Variants in CEP57 observed in about 807,000 individuals in gnomAD.
CEP57 encodes centrosomal protein of 57 kDa.
CEP57 carries 40 observed loss-of-function variants against 68.0 expected under a neutral mutation model. The observed-to-expected ratio is 0.59, with a 90% confidence interval of 0.46 to 0.77. CEP57 has a LOEUF of 0.77. CEP57 is among the 30% of genes least tolerant of loss of function. CEP57 has a pLI of 0.00. For synonymous variants in CEP57, 219 were observed against 198.7 expected (o/e 1.10, Z -0.86); for missense variants, 606 against 580.7 (o/e 1.04, Z -0.45).
At chr11:95,806,967 C>T (rs1861830877) in intron 2 of CEP57, among the ~76,000 whole-genome samples, 1 of 152,186 alleles carries the variant, frequency 6.6e-6, no homozygotes, top group African/African-American at 2.4e-5. Context: ...GAGATACCTC[C>T]CAGTAGGGGC....
At chr11:95,829,519 G>A (rs1331893876) in intron 10 of CEP57, among the ~76,000 whole-genome samples, 188 bp downstream of exon 10, 1 of 152,106 alleles carries the variant, frequency 6.6e-6, no homozygotes, top group Non-Finnish European at 1.5e-5. Flanking sequence ...TAGTCACTTA[G>A]CATATTCATC....
At chr11:95,808,543 A>G (rs1163511943) in intron 2 of CEP57, among the ~76,000 whole-genome samples, 1 of 152,208 alleles carries the variant, frequency 6.6e-6, no homozygotes, top group Non-Finnish European at 1.5e-5. Flanking sequence ...AGCAAATGGA[A>G]AACAAAAAAA....
upstream of CEP57, chr11:95,790,411 C>A (rs779361418): frequency 1.9e-6 from 1 of 527,640 alleles, no homozygotes; most frequent in African/African-American, 1.9e-5. Context: ...TGTGACGTCA[C>A]CAGGGAAGAG....
intron 1 of CEP57, 140 bp from the exon 2 acceptor site, chr11:95,799,085 TTTAATGA>T (rs1317706138): frequency 1.3e-6 from 1 of 772,512 alleles, no homozygotes; most frequent in African/African-American, 1.7e-5. Flanking sequence ...GTTGTATTTC[TTTAATGA>T]TTGAATTGTA....
chr11:95,802,508 C>T (rs1349125323), intron 2 of CEP57, among the ~76,000 whole-genome samples: 2 of 152,144 alleles, frequency 1.3e-5, no homozygotes, highest in Non-Finnish European at 2.9e-5. Context: ...CCACCTCAGC[C>T]TCCCAAAGTG....
In CEP57 at chr11:95,825,375, A is replaced by T. The variant is rs530163607; in HGVS notation, c.886-2411A>T. Among the ~76,000 whole-genome samples, 4 of 152,304 alleles carry T rather than the reference A, an allele frequency of 2.6e-5. No individual in the cohort carries two copies. In the South Asian group the frequency reaches 8.3e-4, roughly 32 times the overall value. ...AAAAAGATGGTAGATATGGCAAAAA[A>T]GGTTGGAGGTGAAGGATTTCAAGAT... is the stretch of plus-strand genomic sequence containing the variant. On this transcript the variant is annotated intron_variant, in intron 8 of 10. Transcript: ENST00000325542.
chr11:95,794,250 A>G (rs992087647), intron 1 of CEP57: 2 of 455,640 alleles, frequency 4.4e-6, no homozygotes, highest in Non-Finnish European at 8.8e-6. Flanking sequence ...ATTACAGCTC[A>G]GTAGTGGGTC....
chr11:95,796,795 T>C (rs1183297225), intron 1 of CEP57, among the ~76,000 whole-genome samples: 1 of 152,194 alleles, frequency 6.6e-6, no homozygotes, highest in African/African-American at 2.4e-5. Context: ...TCTGCTCAGC[T>C]GACTACAAAT....
upstream of CEP57, chr11:95,790,164 G>A: frequency 5.8e-6 from 1 of 171,538 alleles, no homozygotes; most frequent in South Asian, 1.2e-4. Context: ...ACCTGGAGAG[G>A]CGTCCCCGAG....
intron 1 of CEP57, among the ~76,000 whole-genome samples, chr11:95,798,597 A>G (rs992166704): frequency 1.3e-5 from 2 of 152,220 alleles, no homozygotes; most frequent in African/African-American, 2.4e-5. Flanking sequence ...TACAACAAAT[A>G]AAACTCCACA....
intron 8 of CEP57, chr11:95,826,642 G>C (rs1389460786): frequency 6.6e-6 from 1 of 152,166 alleles, no homozygotes; most frequent in Non-Finnish European, 1.5e-5. Flanking sequence ...CTACATGGGT[G>C]GTCGGTGCCC....
At chr11:95,808,710 C>T (rs1861918500) in intron 2 of CEP57, among the ~76,000 whole-genome samples, 1 of 152,126 alleles carries the variant, frequency 6.6e-6, no homozygotes, top group South Asian at 2.1e-4. Flanking sequence ...AAAGCAAGTC[C>T]ATAGAGACCT....
intron 4 of CEP57, chr11:95,815,052 CTG>C (rs759449070): frequency 3.3e-5 from 5 of 152,188 alleles, no homozygotes; most frequent in Non-Finnish European, 4.4e-5. Context: ...GAGTAAGAAT[CTG>C]TGTATGTTTA....
intron 8 of CEP57, 136 bp downstream of exon 8, chr11:95,822,712 A>C: frequency 4.6e-6 from 2 of 438,758 alleles, no homozygotes; most frequent in East Asian, 9.1e-5. Context: ...AGTGATGTGA[A>C]AATGAGATGT....
At chr11:95,818,182 C>T (rs541968421) in intron 5 of CEP57, 15 of 346,162 alleles carry the variant, frequency 4.3e-5, no homozygotes, top group Admixed American at 1.3e-4. Context: ...GAGGCCAAGG[C>T]GGGTGGATCA....
At chr11:95,794,892 A>G (rs929562838) in intron 1 of CEP57, among the ~76,000 whole-genome samples, 1 of 152,142 alleles carries the variant, frequency 6.6e-6, no homozygotes, top group Non-Finnish European at 1.5e-5. Flanking sequence ...GTTTTACTTA[A>G]AATACACAAT....
In CEP57 at chr11:95,828,038, GTT is replaced by G; in HGVS notation, c.1127+21_1127+22del. The stretch of plus-strand genomic sequence containing the variant: ...TGGGCAAATGAGCTTGTGAGTTTTT[GTT>G]TTTTTTTTTAAATTCAGTTTAGCTC... On this transcript the variant is annotated intron_variant, in intron 9 of 10. Transcript: ENST00000325542. 3.1e-6 allele frequency: 4 copies of G among 1,272,442 alleles called. No individual in the cohort carries two copies. The highest frequency in any genetic ancestry group is 2.1e-5 in the Admixed American group (1 of 48,624). 78.8% of individuals were successfully genotyped at this position (1,272,442 alleles called of 1,614,324 possible). A position where few individuals can be genotyped will look rare whatever the true frequency, so the allele number is the denominator to read the frequency against.
chr11:95,799,104 T>C, intron 1 of CEP57, 128 bp from the exon 2 acceptor site: 1 of 868,110 alleles, frequency 1.2e-6, no homozygotes, highest in Non-Finnish European at 1.9e-6. Flanking sequence ...TGAATTGTAT[T>C]GTTTCTAGTC....
At chr11:95,792,471 C>G (rs940670751) in intron 1 of CEP57, among the ~76,000 whole-genome samples, 9 of 152,294 alleles carry the variant, frequency 5.9e-5, no homozygotes, top group Non-Finnish European at 1.0e-4. Flanking sequence ...CAGAGCGACC[C>G]TGTCTCCATA....
Sources: allele counts gnomAD v4.1 joint callset (sites outside exome capture counted in the v4.1 genomes callset), GRCh38; gene constraint gnomAD v4.1.1; transcripts MANE v1.5; gene names NCBI Gene and HGNC (gene_info 2026-07-23, HGNC 2026-07-21).